Variants in DCDC1 observed in about 807,000 individuals in gnomAD.
The protein encoded by DCDC1 is doublecortin domain-containing protein 1.
In DCDC1, 200 loss-of-function variants were observed where a neutral mutation model predicts 178.3. That is an observed-to-expected ratio of 1.12 (90% CI 1.00 to 1.26). DCDC1 has a LOEUF of 1.26. Ranked by LOEUF, DCDC1 falls within the 50% of genes most tolerant of loss-of-function variation. DCDC1 has a pLI of 0.00. For missense variants in DCDC1, 1,983 were observed against 1,749.2 expected (o/e 1.13, Z -2.38); for synonymous variants, 690 against 604.8 (o/e 1.14, Z -2.07).
At chr11:31,287,809 G>A (rs1273555448) in intron 7 of DCDC1, among the ~76,000 whole-genome samples, 2 of 151,736 alleles carry the variant, frequency 1.3e-5, no homozygotes, top group African/African-American at 4.8e-5. Flanking sequence ...TCCAACAAAG[G>A]AGAGAGAGAA....
intron 1 of DCDC1, among the ~76,000 whole-genome samples, chr11:31,367,530 A>G (rs745644945): frequency 1.7e-4 from 26 of 152,204 alleles, no homozygotes; most frequent in Non-Finnish European, 3.2e-4. Flanking sequence ...GATCATATTG[A>G]AGAGGTAACT....
chr11:31,141,023 C>T (rs961072205), intron 9 of DCDC1, among the ~76,000 whole-genome samples: 2 of 152,100 alleles, frequency 1.3e-5, no homozygotes, highest in Non-Finnish European at 2.9e-5. Flanking sequence ...AGGAAGCTCT[C>T]TTATGGACAT....
chr11:31,137,866 A>C (rs1963349916), intron 9 of DCDC1, 82 bp from the exon 10 acceptor site: 5 of 612,138 alleles, frequency 8.2e-6, no homozygotes, highest in Non-Finnish European at 1.5e-5. Context: ...CTAGTTAAGC[A>C]TAATCATGAA....
intron 1 of DCDC1, among the ~76,000 whole-genome samples, chr11:31,341,126 G>C (rs1205866723): frequency 1.3e-5 from 2 of 152,092 alleles, no homozygotes; most frequent in East Asian, 3.9e-4. Context: ...TTTTCTGCAG[G>C]TGACTCTGGC....
intron 36 of DCDC1, among the ~76,000 whole-genome samples, chr11:30,888,032 GAGAA>G (rs1276190350): frequency 0.025 from 2,767 of 111,076 alleles, 123 homozygotes; most frequent in African/African-American, 0.07. Flanking sequence ...GAGAGAGAGA[GAGAA>G]AGAAAGAAAG....
chr11:30,886,266 A>G (rs997219886), intron 36 of DCDC1, among the ~76,000 whole-genome samples: 1 of 152,182 alleles, frequency 6.6e-6, no homozygotes, highest in African/African-American at 2.4e-5. Flanking sequence ...TCCTAAATAG[A>G]AAACAGAATA....
intron 20 of DCDC1, among the ~76,000 whole-genome samples, chr11:31,042,290 C>T (rs181778384): frequency 1.6e-4 from 24 of 152,236 alleles, no homozygotes; most frequent in African/African-American, 3.4e-4. Context: ...GTTTATGTAA[C>T]GGAACACACA....
At chr11:31,276,269 A>G (rs1945980139) in intron 7 of DCDC1, among the ~76,000 whole-genome samples, 1 of 152,222 alleles carries the variant, frequency 6.6e-6, no homozygotes, top group African/African-American at 2.4e-5. Flanking sequence ...AAACCTAAAA[A>G]GCAAACCATT....
chr11:30,936,810 A>T (rs1006219321), intron 21 of DCDC1, among the ~76,000 whole-genome samples: 19 of 152,190 alleles, frequency 1.2e-4, no homozygotes. Context: ...TAAGCGACAC[A>T]AAGGAATATT....
chr11:31,288,363 C>T (rs539548612), intron 7 of DCDC1, among the ~76,000 whole-genome samples: 2 of 152,028 alleles, frequency 1.3e-5, no homozygotes, highest in East Asian at 1.9e-4. Flanking sequence ...AGATTTAAAT[C>T]GCAAAGAGAT....
intron 36 of DCDC1, among the ~76,000 whole-genome samples, chr11:30,884,656 A>C (rs1943005371): frequency 6.6e-6 from 1 of 152,126 alleles, no homozygotes; most frequent in Non-Finnish European, 1.5e-5. Flanking sequence ...CAAAACAAAG[A>C]TCAACTAGAA....
intron 34 of DCDC1, among the ~76,000 whole-genome samples, chr11:30,894,801 T>G (rs1590259208): frequency 6.6e-6 from 1 of 152,328 alleles, no homozygotes; most frequent in African/African-American, 2.4e-5. Flanking sequence ...CTTAGCAGCC[T>G]GGGGATTAAG....
At chr11:30,992,865 G>GT (rs994051820) in intron 20 of DCDC1, among the ~76,000 whole-genome samples, 3 of 152,084 alleles carry the variant, frequency 2.0e-5, no homozygotes, top group African/African-American at 7.2e-5. Flanking sequence ...GAGGAAATTT[G>GT]TTTTTGTGTG....
intron 7 of DCDC1, among the ~76,000 whole-genome samples, chr11:31,287,760 C>T (rs1946941829): frequency 6.6e-6 from 1 of 151,806 alleles, no homozygotes. Context: ...CAGCAGAATA[C>T]AGGAGGTACA....
chr11:31,351,027 A>C (rs1054109596), intron 1 of DCDC1, among the ~76,000 whole-genome samples: 2 of 152,058 alleles, frequency 1.3e-5, no homozygotes. Flanking sequence ...TTAAGTCATA[A>C]AAACAGGAGA....
chr11:31,006,634 T>C (rs977060036), intron 20 of DCDC1, among the ~76,000 whole-genome samples: 6 of 152,208 alleles, frequency 3.9e-5, no homozygotes, highest in Non-Finnish European at 2.9e-5. Flanking sequence ...TCTCATAAGA[T>C]GGCAGTGAGA....
chr11:30,982,454 C>CATT lies in DCDC1; in HGVS notation c.2592-29887_2592-29886insAAT, dbSNP rs1159711820. Among the ~76,000 whole-genome samples, 1,198 of 152,252 alleles carry CATT rather than the reference C, an allele frequency of 7.9e-3. 7 individuals are homozygous for CATT. The highest frequency in any genetic ancestry group is 0.018 in the South Asian group (87 of 4,816). ...TAAGCATTTGTTTCAAAATTAATAG[C>CATT]AACACTCTTTTGTTTCATTTTATGT... On this transcript the variant is annotated intron_variant, in intron 20 of 38. Coordinates refer to ENST00000684477, the MANE Select transcript of DCDC1 (RefSeq NM_001387274.1).
chr11:30,975,572 C>A lies in DCDC1; in HGVS notation c.2592-23004G>T, dbSNP rs79840268. Among the ~76,000 whole-genome samples, 466 of 151,886 alleles carry A rather than the reference C, an allele frequency of 3.1e-3. 21 individuals are homozygous for A. In the East Asian group the frequency reaches 0.077, roughly 25 times the overall value. The stretch of plus-strand genomic sequence containing the variant: ...ATTGGTAGTATTTCTATATACCAAA[C>A]GTGAACTAGCTGAGAAAGAAATCGA... On this transcript the variant is annotated intron_variant, in intron 20 of 38. Coordinates refer to ENST00000684477, the MANE Select transcript of DCDC1 (RefSeq NM_001387274.1).
rs576521719 is a variant in DCDC1 at position 31,335,491 on chromosome 11, G to C, written c.-51C>G. On this transcript the variant is annotated 5_prime_UTR_variant, in exon 2 of 39. Coordinates refer to ENST00000684477, the MANE Select transcript of DCDC1 (RefSeq NM_001387274.1). ...ATCACCCATCTTCTACATTAATCAC[G>C]CTGGGAGCTGCAGGCTGGAGCTGTT... 1 of 152,360 alleles carries C rather than the reference G, an allele frequency of 6.6e-6. No individual in the cohort carries two copies. Among genetic ancestry groups the C allele is most frequent in the Non-Finnish European group, 1.5e-5 (1 of 68,094 alleles). 9.4% of individuals were successfully genotyped at this position (152,360 alleles called of 1,614,324 possible). A position where few individuals can be genotyped will look rare whatever the true frequency, so the allele number is the denominator to read the frequency against.
Sources: allele counts gnomAD v4.1 joint callset (sites outside exome capture counted in the v4.1 genomes callset), GRCh38; gene constraint gnomAD v4.1.1; transcripts MANE v1.5; gene names NCBI Gene and HGNC (gene_info 2026-07-23, HGNC 2026-07-21).